The following SLC25A46 variants were observed in gnomAD, a reference collection of about 807,000 sequenced individuals.
The protein encoded by SLC25A46 is solute carrier family 25 member 46, also known as mitochondrial outer membrane protein SLC25A46.
In SLC25A46, 39 loss-of-function variants were observed where a neutral mutation model predicts 44.6. The ratio of observed to expected loss-of-function variants is 0.87; its 90% CI spans 0.68 to 1.14. The LOEUF is 1.14. SLC25A46 is among the 50% of genes most tolerant of loss of function. The probability of loss-of-function intolerance (pLI) is 0.00; values close to 1 mark genes in which losing one functional copy is unlikely to be tolerated. For synonymous variants in SLC25A46, 202 were observed against 185.8 expected, an observed-to-expected ratio of 1.09 and a Z score of -0.71; for missense variants, 547 against 522.7, an observed-to-expected ratio of 1.05 and a Z score of -0.45.
intron 7 of SLC25A46, among the ~76,000 whole-genome samples, chr5:110,757,300 T>C (rs1800141367): frequency 1.3e-5 from 2 of 152,280 alleles, no homozygotes; most frequent in South Asian, 2.1e-4. Flanking sequence ...TTGCTTGTGT[T>C]ACTATTCCTA....
At position 110,739,372 on chromosome 5, in the gene SLC25A46, G is replaced by A; in HGVS notation, c.253G>A (p.Gly85Ser). 1 of 1,551,220 alleles carries A rather than the reference G, an allele frequency of 6.4e-7. No individual in the cohort carries two copies. The part of the protein sequence containing the change: ...GPTEEPFSSG[G>S]GGSVQGQSSE... ...CACGGAGGAACCCTTTTCCAGTGGC[G>A]GCGGCGGCAGTGTGCAGGGGCAGAG... Residue 85 changes from glycine (G) to serine (S), a missense_variant, in exon 1 of 8, where the codon GGC (glycine) becomes AGC (serine). Coordinates refer to ENST00000355943, the MANE Select transcript of SLC25A46 (RefSeq NM_138773.4).
At chr5:110,752,605 C>A (rs139634215) in intron 5 of SLC25A46, among the ~76,000 whole-genome samples, 1 of 152,100 alleles carries the variant, frequency 6.6e-6, no homozygotes, top group East Asian at 1.9e-4. Context: ...TTTAAACACA[C>A]GTTATTTTAA....
rs779435658 is a variant in SLC25A46 at position 110,761,528 on chromosome 5, G to T, written c.1003G>T (p.Glu335Ter). The change falls in exon 8 of 8, where the codon GAA (glutamate) becomes TAA (stop). Residue 335 changes from glutamate to a stop codon, truncating the protein, a stop_gained. Coordinates refer to ENST00000355943, the MANE Select transcript of SLC25A46 (RefSeq NM_138773.4). LOFTEE classifies it high-confidence loss of function. The surrounding 1 kb of genome is among the most constrained non-coding windows in gnomAD (Gnocchi z 5.3). ...LCSDVILYPL[E>*]TVLHRLHIQG... ...TTCTGACGTTATACTTTACCCATTG[G>T]AAACAGTTTTGCACCGCCTTCACAT... 1.2e-6 allele frequency: 2 copies of T among 1,613,782 alleles called. No individual in the cohort carries two copies. Among genetic ancestry groups the T allele is most frequent in the Non-Finnish European group, 1.7e-6 (2 of 1,179,804 alleles).
intron 5 of SLC25A46, 170 bp from the exon 6 acceptor site, chr5:110,755,295 C>T: frequency 2.1e-6 from 1 of 470,580 alleles, no homozygotes; most frequent in Non-Finnish European, 3.8e-6. Flanking sequence ...CTCAAACCAT[C>T]ACAGTTGTTT....
rs756892188 is a variant in SLC25A46 at position 110,764,297 on chromosome 5, T to C, written c.*2515T>C. 6.6e-6 allele frequency: 1 copy of C among 151,834 alleles called. No individual in the cohort carries two copies. Among genetic ancestry groups the C allele is most frequent in the African/African-American group, 2.4e-5 (1 of 41,410 alleles). 9.4% of individuals were successfully genotyped at this position (151,834 alleles called of 1,614,324 possible). On this transcript the variant is annotated 3_prime_UTR_variant, in exon 8 of 8. Coordinates refer to ENST00000355943, the MANE Select transcript of SLC25A46 (RefSeq NM_138773.4). ...TACTATGTAAAGTGAACTTACGAATTAACTTACTAAATACATATATGTAGA... is the reference window on the plus strand; with the variant it reads ...TACTATGTAAAGTGAACTTACGAATCAACTTACTAAATACATATATGTAGA...
intron 3 of SLC25A46, 128 bp downstream of exon 3, chr5:110,743,915 C>A: frequency 1.6e-6 from 1 of 615,988 alleles, no homozygotes; most frequent in Non-Finnish European, 2.7e-6. Flanking sequence ...TTTTTGGTCT[C>A]AAAACCTCTT....
upstream of SLC25A46, among the ~76,000 whole-genome samples, chr5:110,738,408 G>T (rs928060551): frequency 4.6e-5 from 7 of 152,098 alleles, no homozygotes; most frequent in Non-Finnish European, 7.3e-5. Context: ...AAAGGAAAAC[G>T]CGTAATTTCT....
chr5:110,740,735 A>T (rs546645581), intron 1 of SLC25A46, among the ~76,000 whole-genome samples: 1 of 152,168 alleles, frequency 6.6e-6, no homozygotes, highest in East Asian at 1.9e-4. Flanking sequence ...GCGGATCACG[A>T]GGTCAGGAGA....
chr5:110,755,484 A>C lies in SLC25A46; in HGVS notation c.583A>C (p.Ser195Arg). ...TTTTAGGGAGGTTTTACATAAATGG[A>C]GTCCTAAACAAATAGGAGAACACCT... ...PLPREVLHKW[S>R]PKQIGEHLLL... Residue 195 changes from serine to arginine, a missense_variant, in exon 6 of 8, where the codon AGT becomes CGT. Physicochemically the swap from Ser to Arg is moderately radical, Grantham distance 110. Coordinates refer to ENST00000355943, the MANE Select transcript of SLC25A46 (RefSeq NM_138773.4). The C allele has an allele frequency of 2.5e-6, 4 of 1,574,432 alleles. No individual in the cohort carries two copies. Among genetic ancestry groups the C allele is most frequent in the Non-Finnish European group, 3.4e-6 (4 of 1,160,886 alleles).
chr5:110,742,425 T>C (rs144374048), intron 2 of SLC25A46, among the ~76,000 whole-genome samples: 53 of 152,220 alleles, frequency 3.5e-4, no homozygotes, highest in Admixed American at 8.5e-4. Flanking sequence ...AGAATGGGGT[T>C]CATGAAGATC....
intron 7 of SLC25A46, among the ~76,000 whole-genome samples, chr5:110,760,935 C>G (rs1800232763): frequency 6.6e-6 from 1 of 152,046 alleles, no homozygotes; most frequent in Admixed American, 6.6e-5. Flanking sequence ...CATGTGAGTT[C>G]TAAGAAGTTT....
chr5:110,745,249 C>T (rs968319152), intron 3 of SLC25A46, among the ~76,000 whole-genome samples: 1 of 150,856 alleles, frequency 6.6e-6, no homozygotes, highest in Non-Finnish European at 1.5e-5. Flanking sequence ...CTGTTATAAC[C>T]CACTTTTTTT....
rs1052893214 is a variant in SLC25A46, at chr5:110,746,188, T to A, written c.385-81T>A. The A allele has an allele frequency of 1.2e-5, 13 of 1,119,318 alleles. No homozygotes were observed. The African/African-American group carries it at 1.6e-4, about 14-fold the overall frequency. The allele number at this position is 1,119,318 out of a possible 1,614,324, so 69.3% of individuals were successfully genotyped here. On this transcript the variant is annotated intron_variant, in intron 3 of 7. Coordinates refer to ENST00000355943, the MANE Select transcript of SLC25A46 (RefSeq NM_138773.4). The stretch of plus-strand genomic sequence containing the variant: ...GAATTAACTTTTGTTTATACTGCAA[T>A]TCCACCATATTTCTTTCATGGCTCT...
Position 110,743,831 on chromosome 5 carries a change from C to A in SLC25A46, c.384+44C>A, listed in dbSNP as rs776030768. The A allele has an allele frequency of 2.8e-6, 4 of 1,446,906 alleles. No individual in the cohort carries two copies. The Admixed American group carries it at 7.0e-5, about 25-fold the overall frequency. The allele number at this position is 1,446,906 out of a possible 1,614,324, so 89.6% of individuals were successfully genotyped here. The stretch of plus-strand genomic sequence containing the variant: ...ATCTTTTGAAGCAATACTTCTGACC[C>A]TAATATGAAGGGCAGAACTCACATA... On this transcript the variant is annotated intron_variant, in intron 3 of 7. Transcript: ENST00000355943.
intron 3 of SLC25A46, among the ~76,000 whole-genome samples, chr5:110,744,616 T>C (rs1799771759): frequency 6.6e-6 from 1 of 152,232 alleles, no homozygotes. Flanking sequence ...TGACGATGCA[T>C]ATAGATTTTC....
chr5:110,750,640 A>C (rs192217091), intron 5 of SLC25A46, among the ~76,000 whole-genome samples: 10 of 152,168 alleles, frequency 6.6e-5, no homozygotes, highest in African/African-American at 1.9e-4. Flanking sequence ...TTGTTATTCT[A>C]TATTGTTTAG....
intron 1 of SLC25A46, among the ~76,000 whole-genome samples, chr5:110,740,938 C>CG (rs1456159521): frequency 6.6e-6 from 1 of 152,094 alleles, no homozygotes; most frequent in East Asian, 1.9e-4. Context: ...GGCGACAGAG[C>CG]GAGACTCCGT....
rs1454929988 is a variant in SLC25A46, at chr5:110,764,388, G to A, written c.*2606G>A. 1 of 151,782 alleles carries A rather than the reference G, an allele frequency of 6.6e-6. No individual in the cohort carries two copies. The highest frequency in any genetic ancestry group is 1.5e-5 in the Non-Finnish European group (1 of 67,880). 9.4% of individuals were successfully genotyped at this position (151,782 alleles called of 1,614,324 possible). ...CAAAAAAAATTATCTGGGTTAATAA[G>A]GTTATCTATTAAAGCCCCCAGAATC... On this transcript the variant is annotated 3_prime_UTR_variant, in exon 8 of 8. Transcript: ENST00000355943.
Position 110,762,479 on chromosome 5 carries a change from T to C in SLC25A46, c.*697T>C, listed in dbSNP as rs1800281664. ...AAGTCACGCGCTTTCTGCTTGAACATCAAAATATCAAAAACCAAGGTACCC... is the reference window on the plus strand; with the variant it reads ...AAGTCACGCGCTTTCTGCTTGAACACCAAAATATCAAAAACCAAGGTACCC... On this transcript the variant is annotated 3_prime_UTR_variant, in exon 8 of 8. Transcript: ENST00000355943. 1 of 151,666 alleles carries C rather than the reference T, an allele frequency of 6.6e-6. No individual in the cohort carries two copies. The highest frequency in any genetic ancestry group is 1.5e-5 in the Non-Finnish European group (1 of 67,882). 9.4% of individuals were successfully genotyped at this position (151,666 alleles called of 1,614,324 possible).
Sources: allele counts gnomAD v4.1 joint callset (sites outside exome capture counted in the v4.1 genomes callset), GRCh38; gene constraint gnomAD v4.1.1; non-coding constraint Gnocchi (gnomAD v3.1); transcripts MANE v1.5; gene names NCBI Gene and HGNC (gene_info 2026-07-23, HGNC 2026-07-21).